ATP2C2: variants seen among roughly 807,000 people sequenced by gnomAD.
ATP2C2 encodes calcium-transporting ATPase type 2C member 2.
Under a neutral mutation model 110.8 loss-of-function variants are expected in ATP2C2, and 171 were observed. The observed-to-expected ratio is 1.54, with a 90% CI of 1.36 to 1.75. ATP2C2 has a LOEUF of 1.75. ATP2C2 is among the 40% of genes most tolerant of loss of function. ATP2C2 has a pLI of 0.00. For synonymous variants in ATP2C2, 804 were observed against 508.4 expected (o/e 1.58, Z -7.82); for missense variants, 1,963 against 1,235.0 (o/e 1.59, Z -8.84).
chr16:84,436,481 G>C (rs999269519), intron 11 of ATP2C2, among the ~76,000 whole-genome samples: 2 of 152,156 alleles, frequency 1.3e-5, no homozygotes, highest in Non-Finnish European at 2.9e-5. Context: ...GTGGCTGTGG[G>C]TGGGTTGCAG....
chr16:84,421,729 A>C (rs936222312), intron 7 of ATP2C2, among the ~76,000 whole-genome samples: 3 of 152,158 alleles, frequency 2.0e-5, no homozygotes, highest in African/African-American at 7.2e-5. Flanking sequence ...TTTGCCACTA[A>C]CTAGCTACGG....
rs2150607110 is a variant in ATP2C2, at chr16:84,463,626, T to G, written c.2735T>G (p.Leu912Ter). ...TCTCCCTTGGCAGATTTGCTGTTTTTAACTGGATTGGCCTCATCCGTCTTC... is the reference window on the plus strand; with the variant it reads ...TCTCCCTTGGCAGATTTGCTGTTTTGAACTGGATTGGCCTCATCCGTCTTC... ...ENLGALDLLF[L>*]TGLASSVFIL... Residue 912 changes from leucine (L) to a stop codon, truncating the protein, a stop_gained, in exon 27 of 27, where the codon TTA becomes TGA. Transcript: ENST00000262429. LOFTEE classifies it low-confidence loss of function (END_TRUNC). 3 of 1,614,062 alleles carry G rather than the reference T, an allele frequency of 1.9e-6. No homozygotes were observed. The East Asian group carries it at 6.7e-5, about 36-fold the overall frequency.
At position 84,439,411 on chromosome 16, in the gene ATP2C2, G is replaced by T; in HGVS notation, c.1112-16G>T. 1.9e-6 allele frequency: 3 copies of T among 1,613,940 alleles called. No individual in the cohort carries two copies. The highest frequency in any genetic ancestry group is 1.7e-6 in the Non-Finnish European group (2 of 1,179,914). On this transcript the variant is annotated splice_polypyrimidine_tract_variant and intron_variant, in intron 12 of 26. Coordinates refer to ENST00000262429, the MANE Select transcript of ATP2C2 (RefSeq NM_014861.4). ...ATGGCAACTTCTCTTCTATAAACTG[G>T]TGTTTGTTGTACCAGGTTGCTGCAG...
In ATP2C2 at chr16:84,412,244, C is replaced by T. The variant is rs539373633; in HGVS notation, c.515+1479C>T. Among the ~76,000 whole-genome samples the T allele has an allele frequency of 8.6e-5, 13 of 151,262 alleles. No homozygotes were observed. The East Asian group carries it at 2.5e-3, about 29-fold the overall frequency. ...TTTTTTGCATTTTTATTTTTTAAAC[C>T]TGATTGTGTATGTGTGTGTATGTAT... On this transcript the variant is annotated intron_variant, in intron 6 of 26. Transcript: ENST00000262429.
chr16:84,368,776 C>T (rs1276796210), intron 1 of ATP2C2, 62 bp downstream of exon 1: 5 of 1,338,936 alleles, frequency 3.7e-6, no homozygotes, highest in Admixed American at 6.2e-5. Context: ...CCGTCGTAAC[C>T]GTCCCCGGCC....
chr16:84,459,472 A>G (rs1001453600), intron 23 of ATP2C2, 86 bp downstream of exon 23: 3 of 1,599,860 alleles, frequency 1.9e-6, no homozygotes, highest in African/African-American at 2.7e-5. Flanking sequence ...CCCCAAGGCT[A>G]TAGGGATGAA....
intron 17 of ATP2C2, among the ~76,000 whole-genome samples, chr16:84,451,160 C>G (rs556950038): frequency 6.6e-6 from 1 of 152,108 alleles, no homozygotes. Context: ...ACATGGCAGC[C>G]GGCAAGAGAG....
At chr16:84,384,405 G>C (rs529006875) in intron 1 of ATP2C2, among the ~76,000 whole-genome samples, 3 of 152,160 alleles carry the variant, frequency 2.0e-5, no homozygotes, top group African/African-American at 7.2e-5. Context: ...CAGGTTACGC[G>C]CTTCTGGAGA....
intron 6 of ATP2C2, among the ~76,000 whole-genome samples, chr16:84,413,073 G>A (rs534102941): frequency 5.4e-5 from 8 of 149,360 alleles, no homozygotes; most frequent in African/African-American, 2.0e-4. Context: ...ACTCCAGCCT[G>A]TGCGATAAGA....
At chr16:84,411,916 T>TTTTCTTTTCTTTCTTTCC (rs1906333998) in intron 6 of ATP2C2, among the ~76,000 whole-genome samples, 1 of 151,884 alleles carries the variant, frequency 6.6e-6, no homozygotes, top group Non-Finnish European at 1.5e-5. Context: ...GCTTTTTCCT[T>TTTTCTTTTCTTTCTTTCC]TTTCTTTTCT....
In ATP2C2 at chr16:84,461,992, A is replaced by T; in HGVS notation, c.2585A>T (p.Lys862Met). The T allele has an allele frequency of 6.2e-7, 1 of 1,613,414 alleles. No homozygotes were observed. Among genetic ancestry groups the T allele is most frequent in the Non-Finnish European group, 8.5e-7 (1 of 1,179,474 alleles). Residue 862 changes from lysine to methionine, a missense_variant, in exon 26 of 27, where the codon AAG (lysine) becomes ATG (methionine). Coordinates refer to ENST00000262429, the MANE Select transcript of ATP2C2 (RefSeq NM_014861.4). Reference sequence around the variant, plus strand: ...CGTGTGACCTTCTCCCTGCAGACCAAGCTGATATTTGAGATCGGCTTTCTC... The same window carrying T: ...CGTGTGACCTTCTCCCTGCAGACCATGCTGATATTTGAGATCGGCTTTCTC... ...FNALTCRSQT[K>M]LIFEIGFLRN...
At chr16:84,443,485 C>T (rs1909457392) in intron 15 of ATP2C2, among the ~76,000 whole-genome samples, 1 of 152,216 alleles carries the variant, frequency 6.6e-6, no homozygotes, top group South Asian at 2.1e-4. Flanking sequence ...GCTCATCCCC[C>T]AGCACGGACC....
intron 1 of ATP2C2, among the ~76,000 whole-genome samples, chr16:84,392,792 G>T (rs1432211167): frequency 2.6e-5 from 4 of 152,082 alleles, no homozygotes; most frequent in Non-Finnish European, 4.4e-5. Context: ...TAGTTTACAT[G>T]CTGGGGAGGC....
At chr16:84,387,658 C>G (rs2151405307) in intron 1 of ATP2C2, among the ~76,000 whole-genome samples, 1 of 152,300 alleles carries the variant, frequency 6.6e-6, no homozygotes, top group Non-Finnish European at 1.5e-5. Context: ...TGGAAATGCA[C>G]CAGTGAAGCT....
intron 16 of ATP2C2, 72 bp from the exon 17 acceptor site, chr16:84,448,461 A>G: frequency 6.6e-7 from 1 of 1,505,556 alleles, no homozygotes; most frequent in Non-Finnish European, 9.0e-7. Flanking sequence ...AACCTTGTGC[A>G]GAGTGGGGTG....
chr16:84,400,359 C>T (rs1051661964), intron 2 of ATP2C2, among the ~76,000 whole-genome samples: 1 of 147,300 alleles, frequency 6.8e-6, no homozygotes, highest in African/African-American at 2.6e-5. Context: ...TGGAGTCTCA[C>T]TCTGTCACCC....
intron 16 of ATP2C2, among the ~76,000 whole-genome samples, chr16:84,447,918 A>C (rs1909909663): frequency 6.6e-6 from 1 of 151,258 alleles, no homozygotes; most frequent in African/African-American, 2.4e-5. Flanking sequence ...ATATTATCTT[A>C]TAACAGTGTT....
Position 84,380,243 on chromosome 16 carries a change from T to G in ATP2C2, c.99+11529T>G, listed in dbSNP as rs183665504. On this transcript the variant is annotated intron_variant, in intron 1 of 26. Coordinates refer to ENST00000262429, the MANE Select transcript of ATP2C2 (RefSeq NM_014861.4). The stretch of plus-strand genomic sequence containing the variant: ...CTCCTTCTACCCCCTCCCCCAGATA[T>G]CAGCATATTGAAATTTGAGTGACAG... Among the ~76,000 whole-genome samples the G allele has an allele frequency of 3.4e-3, 513 of 152,278 alleles. 6 individuals carry two copies. Among genetic ancestry groups the G allele is most frequent in the African/African-American group, 0.012 (504 of 41,550 alleles).
intron 15 of ATP2C2, among the ~76,000 whole-genome samples, chr16:84,443,945 T>G (rs1334430655): frequency 6.6e-6 from 1 of 151,996 alleles, no homozygotes; most frequent in Non-Finnish European, 1.5e-5. Flanking sequence ...GGCGGGAGGA[T>G]CATTTGAGGC....
Sources: gnomAD v4.1 joint callset for allele counts (sites outside exome capture counted in the v4.1 genomes callset) on GRCh38, gnomAD v4.1.1 for gene constraint, MANE v1.5 for transcripts, NCBI Gene and HGNC (gene_info 2026-07-23, HGNC 2026-07-21) for gene names.